Variants in DHX15 observed in about 807,000 individuals in gnomAD.
DHX15 encodes DEAH-box helicase 15, also known as ATP-dependent RNA helicase DHX15.
DHX15 carries 11 observed loss-of-function variants against 94.4 expected under a neutral mutation model. The ratio of observed to expected loss-of-function variants is 0.12; its 90% CI spans 0.07 to 0.19. The LOEUF is 0.19. Among genes scored for constraint, DHX15 ranks in the 10% least tolerant of loss-of-function variants. The pLI is 1.00. For synonymous variants in DHX15, 338 were observed against 329.9 expected, an observed-to-expected ratio of 1.02 and a Z score of -0.27; for missense variants, 304 against 988.5, an observed-to-expected ratio of 0.31 and a Z score of 9.29.
intron 1 of DHX15, among the ~76,000 whole-genome samples, chr4:24,577,497 T>C (rs191745753): frequency 5.6e-4 from 85 of 152,294 alleles, no homozygotes; most frequent in African/African-American, 2.0e-3. Context: ...AAGCACTCTA[T>C]AAATCTATGT....
At chr4:24,565,983 C>A (rs1318036682) in intron 3 of DHX15, among the ~76,000 whole-genome samples, 1 of 152,006 alleles carries the variant, frequency 6.6e-6, no homozygotes, top group African/African-American at 2.4e-5. Flanking sequence ...AACTCAGACA[C>A]TGACCCTAGA....
chr4:24,529,834 T>G, intron 12 of DHX15, 64 bp from the exon 13 acceptor site: 1 of 1,517,074 alleles, frequency 6.6e-7, no homozygotes. Context: ...TAAAGCTACC[T>G]ACATAATTAG....
rs774238092 is a variant in DHX15, at chr4:24,548,845, C to G, written c.1248+10G>C. On this transcript the variant is annotated intron_variant, in intron 6 of 13. Transcript: ENST00000336812. ...AGTGAAATATTTATAAAGAGCATTT[C>G]TAATGTTACCTTTCTTCCAATTGCT... The G allele has an allele frequency of 3.1e-6, 5 of 1,607,276 alleles. No homozygotes were observed. Among genetic ancestry groups the G allele is most frequent in the Middle Eastern group, 1.7e-4 (1 of 6,022 alleles).
At chr4:24,583,592 A>G (rs1327341373) in intron 1 of DHX15, among the ~76,000 whole-genome samples, 1 of 152,006 alleles carries the variant, frequency 6.6e-6, no homozygotes, top group Non-Finnish European at 1.5e-5. Context: ...GAAGTTTGCT[A>G]GTATCTACTT....
intron 5 of DHX15, among the ~76,000 whole-genome samples, chr4:24,552,934 G>A (rs572199039): frequency 6.6e-6 from 1 of 152,168 alleles, no homozygotes; most frequent in Non-Finnish European, 1.5e-5. Context: ...AAAACCTTTC[G>A]GGTCCTTAAC....
rs1254269503 is a variant in DHX15 at position 24,542,325 on chromosome 4, C to A, written c.1336-303G>T. ...GACCTTGTTCCTTGCTTTTTATATGCTGGGCAGTCAAGGATTCTGCCCGAA... is the reference window on the plus strand; with the variant it reads ...GACCTTGTTCCTTGCTTTTTATATGATGGGCAGTCAAGGATTCTGCCCGAA... On this transcript the variant is annotated intron_variant, in intron 7 of 13. Coordinates refer to ENST00000336812, the MANE Select transcript of DHX15 (RefSeq NM_001358.3). Among the ~76,000 whole-genome samples, 3 of 152,266 alleles carry A rather than the reference C, an allele frequency of 2.0e-5. No homozygotes were observed. In the East Asian group the frequency reaches 5.8e-4, roughly 29 times the overall value.
At chr4:24,584,207 G>A (rs1469085688) in intron 1 of DHX15, 116 bp downstream of exon 1, 2 of 1,122,934 alleles carry the variant, frequency 1.8e-6, no homozygotes, top group Admixed American at 2.2e-5. Context: ...ACCCAGCCCA[G>A]AGAGAAACAA....
intron 11 of DHX15, chr4:24,533,319 C>G (rs1212214922): frequency 2.9e-5 from 14 of 475,436 alleles, no homozygotes; most frequent in Non-Finnish European, 5.3e-5. Context: ...TGAATTACTT[C>G]TCCCATTAAC....
In DHX15 at chr4:24,537,228, T is replaced by A; in HGVS notation, c.1787-55A>T. 2 of 1,607,958 alleles carry A rather than the reference T, an allele frequency of 1.2e-6. No individual in the cohort carries two copies. The highest frequency in any genetic ancestry group is 1.7e-6 in the Non-Finnish European group (2 of 1,176,592). On this transcript the variant is annotated intron_variant, in intron 10 of 13. Coordinates refer to ENST00000336812, the MANE Select transcript of DHX15 (RefSeq NM_001358.3). The surrounding 1 kb of genome is among the most constrained non-coding windows in gnomAD (Gnocchi z 4.7). Reference sequence around the variant, plus strand: ...AACGCCCATATCGATGAGTCACGCATTCACAGATAGAGGAACAAGGCCTAG... The same window carrying A: ...AACGCCCATATCGATGAGTCACGCAATCACAGATAGAGGAACAAGGCCTAG...
At chr4:24,578,824 A>T (rs139258739) in intron 1 of DHX15, among the ~76,000 whole-genome samples, 5 of 152,248 alleles carry the variant, frequency 3.3e-5, no homozygotes, top group Non-Finnish European at 7.4e-5. Flanking sequence ...TCAGCCTCCC[A>T]ACGTGCTGGG....
At chr4:24,562,213 A>G (rs1269953260) in intron 3 of DHX15, among the ~76,000 whole-genome samples, 1 of 152,030 alleles carries the variant, frequency 6.6e-6, no homozygotes, top group Non-Finnish European at 1.5e-5. Flanking sequence ...CTGCACATAT[A>G]CCCTTGAACC....
chr4:24,555,893 T>C (rs914589369), intron 4 of DHX15, among the ~76,000 whole-genome samples: 1 of 150,970 alleles, frequency 6.6e-6, no homozygotes, highest in African/African-American at 2.5e-5. Context: ...TGGGTGTTTG[T>C]GATGAGACAA....
At chr4:24,538,876 A>T (rs1721251363) in intron 10 of DHX15, 1 of 152,166 alleles carries the variant, frequency 6.6e-6, no homozygotes, top group African/African-American at 2.4e-5. Context: ...GAACCTAGAG[A>T]AATAAAAACT....
chr4:24,550,564 G>GCC (rs948206997), intron 5 of DHX15, among the ~76,000 whole-genome samples: 7 of 151,748 alleles, frequency 4.6e-5, no homozygotes, highest in African/African-American at 1.7e-4. Flanking sequence ...CTTAACCTAG[G>GCC]CCCCCACAGG....
At chr4:24,541,727 A>T in intron 8 of DHX15, 146 bp downstream of exon 8, 1 of 772,146 alleles carries the variant, frequency 1.3e-6, no homozygotes, top group Non-Finnish European at 2.0e-6. Flanking sequence ...ATCTAAGTTA[A>T]TTACACCATA....
intron 1 of DHX15, among the ~76,000 whole-genome samples, chr4:24,578,692 A>T (rs1388264269): frequency 6.6e-6 from 1 of 152,026 alleles, no homozygotes; most frequent in Non-Finnish European, 1.5e-5. Flanking sequence ...CAGCCTCCCG[A>T]GTAACTGGGA....
chr4:24,531,520 C>G (rs1030687091), intron 12 of DHX15, among the ~76,000 whole-genome samples: 16 of 151,406 alleles, frequency 1.1e-4, no homozygotes, highest in African/African-American at 3.9e-4. Context: ...CAAGATCAGC[C>G]TGGGCAACGT....
chr4:24,553,767 G>A (rs917500375), intron 5 of DHX15, among the ~76,000 whole-genome samples: 1 of 151,990 alleles, frequency 6.6e-6, no homozygotes, highest in Non-Finnish European at 1.5e-5. Flanking sequence ...GACAGAGCGC[G>A]ACTCTGTCTT....
intron 3 of DHX15, among the ~76,000 whole-genome samples, chr4:24,564,403 A>C (rs1721950877): frequency 1.3e-5 from 2 of 152,232 alleles, no homozygotes; most frequent in Non-Finnish European, 2.9e-5. Context: ...CTTCAACCTT[A>C]ATAGAAACCA....
Sources: gnomAD v4.1 joint callset for allele counts (sites outside exome capture counted in the v4.1 genomes callset) on GRCh38, gnomAD v4.1.1 for gene constraint, Gnocchi (gnomAD v3.1) non-coding constraint, MANE v1.5 for transcripts, NCBI Gene and HGNC (gene_info 2026-07-23, HGNC 2026-07-21) for gene names.